Variants in GRIK4 observed in about 807,000 individuals in gnomAD.
GRIK4 encodes glutamate ionotropic receptor kainate type subunit 4.
A neutral mutation model predicts 104.9 loss-of-function variants in GRIK4; 40 were observed. The observed-to-expected ratio is 0.38, with a 90% CI of 0.30 to 0.50. The LOEUF is 0.50. Among genes scored for constraint, GRIK4 ranks in the 20% least tolerant of loss-of-function variants. The pLI is 0.93. For synonymous variants in GRIK4, 485 were observed against 524.9 expected, an observed-to-expected ratio of 0.92 and a Z score of 1.04; for missense variants, 1,047 against 1,308.1, an observed-to-expected ratio of 0.80 and a Z score of 3.08.
chr11:120,641,373 TAA>T (rs543463349), intron 1 of GRIK4, among the ~76,000 whole-genome samples: 3 of 139,412 alleles, frequency 2.2e-5, no homozygotes, highest in African/African-American at 2.6e-5. Context: ...CTGTAAAAGT[TAA>T]AAAAAAAAAA....
chr11:120,962,144 T>C (rs1199446530), intron 17 of GRIK4, among the ~76,000 whole-genome samples: 1 of 151,968 alleles, frequency 6.6e-6, no homozygotes, highest in Non-Finnish European at 1.5e-5. Context: ...TACCGGAAAA[T>C]GGAGGTTGGC....
chr11:120,859,997 G>C (rs1460760208), intron 8 of GRIK4, among the ~76,000 whole-genome samples: 1 of 152,234 alleles, frequency 6.6e-6, no homozygotes, highest in African/African-American at 2.4e-5. Context: ...TGTGTGGCAA[G>C]GATGCAAGGG....
intron 1 of GRIK4, among the ~76,000 whole-genome samples, chr11:120,599,583 GCTA>G (rs1480907325): frequency 6.6e-6 from 1 of 152,234 alleles, no homozygotes; most frequent in East Asian, 1.9e-4. Context: ...CTCCATCTCT[GCTA>G]CTGTATTCTC....
chr11:120,853,983 A>T (rs965252672), intron 8 of GRIK4, among the ~76,000 whole-genome samples: 2 of 152,190 alleles, frequency 1.3e-5, no homozygotes, highest in Non-Finnish European at 2.9e-5. Context: ...CAAGACATTT[A>T]ACTCCTGGGC....
intron 14 of GRIK4, among the ~76,000 whole-genome samples, chr11:120,944,103 T>C (rs1307429369): frequency 6.6e-6 from 1 of 152,132 alleles, no homozygotes; most frequent in African/African-American, 2.4e-5. Flanking sequence ...GGCTTTGGCA[T>C]TCGTTACTGT....
At chr11:120,681,598 T>TGA (rs1226742467) in intron 3 of GRIK4, among the ~76,000 whole-genome samples, 1 of 152,202 alleles carries the variant, frequency 6.6e-6, no homozygotes, top group Admixed American at 6.5e-5. Flanking sequence ...ATGCATTCGG[T>TGA]GAGGCACAGA....
At chr11:120,691,281 G>A (rs1950358159) in intron 3 of GRIK4, among the ~76,000 whole-genome samples, 1 of 152,190 alleles carries the variant, frequency 6.6e-6, no homozygotes, top group Non-Finnish European at 1.5e-5. Context: ...GAGACATTGA[G>A]AGCTCAGAAG....
chr11:120,655,164 A>T (rs1219821161), intron 2 of GRIK4, among the ~76,000 whole-genome samples: 2 of 151,864 alleles, frequency 1.3e-5, no homozygotes, highest in African/African-American at 4.8e-5. Context: ...CATAGGTAGG[A>T]TGTGTGTCCC....
At chr11:120,661,534 A>G (rs986642019) in intron 3 of GRIK4, among the ~76,000 whole-genome samples, 1 of 152,238 alleles carries the variant, frequency 6.6e-6, no homozygotes, top group African/African-American at 2.4e-5. Flanking sequence ...AGATGGCACG[A>G]TGCTGAATCT....
chr11:120,660,490 G>A (rs1406849556), intron 3 of GRIK4, 90 bp downstream of exon 3: 5 of 998,676 alleles, frequency 5.0e-6, no homozygotes, highest in Non-Finnish European at 6.1e-6. Flanking sequence ...ACTTGGGGAA[G>A]CTGCCCAGCC....
chr11:120,708,956 C>T (rs1950677012), intron 3 of GRIK4, among the ~76,000 whole-genome samples: 1 of 152,144 alleles, frequency 6.6e-6, no homozygotes, highest in Non-Finnish European at 1.5e-5. Flanking sequence ...AGGGCAGTAA[C>T]CTTTACCTGG....
intron 3 of GRIK4, among the ~76,000 whole-genome samples, chr11:120,684,484 G>A (rs1159293498): frequency 6.6e-6 from 1 of 152,206 alleles, no homozygotes; most frequent in Non-Finnish European, 1.5e-5. Flanking sequence ...ACCTCTAAGA[G>A]TTTGTGGAGA....
At chr11:120,924,885 A>C (rs1943308176) in intron 13 of GRIK4, among the ~76,000 whole-genome samples, 1 of 152,210 alleles carries the variant, frequency 6.6e-6, no homozygotes, top group Non-Finnish European at 1.5e-5. Context: ...TCTCTTCCTC[A>C]AAAAATGGCA....
intron 1 of GRIK4, among the ~76,000 whole-genome samples, chr11:120,576,154 C>G (rs1007090547): frequency 8.5e-5 from 13 of 152,120 alleles, no homozygotes; most frequent in Admixed American, 2.6e-4. Flanking sequence ...AAGGAATAGT[C>G]CATCTTCCCC....
At chr11:120,802,167 G>T (rs1344291810) in intron 3 of GRIK4, among the ~76,000 whole-genome samples, 2 of 152,226 alleles carry the variant, frequency 1.3e-5, no homozygotes, top group Admixed American at 1.3e-4. Flanking sequence ...TCACTTTGGT[G>T]GCATGGCCCA....
intron 19 of GRIK4, among the ~76,000 whole-genome samples, chr11:120,969,937 A>G (rs1380786668): frequency 1.3e-5 from 2 of 152,028 alleles, no homozygotes; most frequent in African/African-American, 4.8e-5. Flanking sequence ...TGGACAGAGC[A>G]CTCAATGCAC....
chr11:120,645,395 A>G (rs1157358864), intron 1 of GRIK4, among the ~76,000 whole-genome samples: 1 of 152,218 alleles, frequency 6.6e-6, no homozygotes, highest in Non-Finnish European at 1.5e-5. Flanking sequence ...TTCACATGCA[A>G]CGGTATGTGG....
chr11:120,619,939 C>G, intron 1 of GRIK4: 2 of 383,474 alleles, frequency 5.2e-6, no homozygotes, highest in Non-Finnish European at 9.5e-6. Flanking sequence ...ATTTGACAAT[C>G]TAGGAAGTTC....
At chr11:120,779,278 T>A (rs559614271) in intron 3 of GRIK4, among the ~76,000 whole-genome samples, 75 of 152,124 alleles carry the variant, frequency 4.9e-4, no homozygotes, top group Non-Finnish European at 9.4e-4. Flanking sequence ...CTCCATATCA[T>A]GTCTGTCCTT....
Sources: gnomAD v4.1 joint callset for allele counts (sites outside exome capture counted in the v4.1 genomes callset) on GRCh38, gnomAD v4.1.1 for gene constraint, MANE v1.5 for transcripts, NCBI Gene and HGNC (gene_info 2026-07-23, HGNC 2026-07-21) for gene names.